Variants in RBFOX2 observed in about 807,000 individuals in gnomAD.
The protein encoded by RBFOX2 is RNA binding fox-1 homolog 2, also known as RNA binding protein fox-1 homolog 2.
RBFOX2 carries 10 observed loss-of-function variants against 49.1 expected under a neutral mutation model. The observed-to-expected ratio is 0.20, with a 90% CI of 0.13 to 0.35. The LOEUF is 0.35. RBFOX2 is among the 10% of genes least tolerant of loss of function. The pLI, the probability that RBFOX2 is intolerant of heterozygous loss-of-function variation, is 1.00. For synonymous variants in RBFOX2, 183 were observed against 187.4 expected (o/e 0.98, Z 0.19); for missense variants, 323 against 486.9 (o/e 0.66, Z 3.17).
At chr22:35,797,640 T>C (rs1378875586) in intron 2 of RBFOX2, among the ~76,000 whole-genome samples, 1 of 152,226 alleles carries the variant, frequency 6.6e-6, no homozygotes, top group Non-Finnish European at 1.5e-5. Flanking sequence ...GCTAAGGTGC[T>C]AGCAGTTTTA....
chr22:35,953,095 C>T (rs2055133267), intron 1 of RBFOX2, among the ~76,000 whole-genome samples: 1 of 151,306 alleles, frequency 6.6e-6, no homozygotes. Flanking sequence ...CCTGTAGTTC[C>T]AGCTGCTTGG....
chr22:36,007,116 T>C (rs1271946188), intron 1 of RBFOX2, among the ~76,000 whole-genome samples: 1 of 152,212 alleles, frequency 6.6e-6, no homozygotes, highest in African/African-American at 2.4e-5. Flanking sequence ...TGACCCTTTA[T>C]AATTGTATTG....
chr22:35,900,270 C>T (rs551070187), intron 1 of RBFOX2, among the ~76,000 whole-genome samples: 10 of 152,180 alleles, frequency 6.6e-5, no homozygotes, highest in African/African-American at 2.4e-4. Context: ...CCTGCCACCA[C>T]ACCCAGCTAT....
intron 1 of RBFOX2, 68 bp from the exon 3 acceptor site, chr22:35,810,072 A>G: frequency 6.8e-7 from 1 of 1,470,782 alleles, no homozygotes; most frequent in Non-Finnish European, 9.4e-7. Flanking sequence ...TTTTAAAGTG[A>G]GTATATGGAA....
intron 1 of RBFOX2, among the ~76,000 whole-genome samples, chr22:35,878,053 C>T (rs1464128176): frequency 6.6e-6 from 1 of 151,096 alleles, no homozygotes; most frequent in African/African-American, 2.4e-5. Flanking sequence ...CACACACACA[C>T]ACACACACAC....
intron 1 of RBFOX2, among the ~76,000 whole-genome samples, chr22:35,961,282 C>T (rs1343764799): frequency 6.6e-6 from 1 of 152,154 alleles, no homozygotes; most frequent in Non-Finnish European, 1.5e-5. Context: ...GATAAAGGCA[C>T]ACACAAATAC....
At chr22:35,776,072 A>G (rs1026698626) in intron 4 of RBFOX2, among the ~76,000 whole-genome samples, 1 of 152,154 alleles carries the variant, frequency 6.6e-6, no homozygotes, top group African/African-American at 2.4e-5. Flanking sequence ...TACACTTAAC[A>G]ACTAAAAATA....
intron 1 of RBFOX2, among the ~76,000 whole-genome samples, chr22:35,956,559 A>G (rs1464792743): frequency 1.3e-5 from 2 of 151,922 alleles, no homozygotes; most frequent in Non-Finnish European, 2.9e-5. Flanking sequence ...ACGGGGTTTC[A>G]CCATGTTGGC....
intron 1 of RBFOX2, among the ~76,000 whole-genome samples, chr22:36,004,793 T>C (rs2058559048): frequency 6.6e-6 from 1 of 151,340 alleles, no homozygotes; most frequent in Non-Finnish European, 1.5e-5. Flanking sequence ...TGAAACTCTG[T>C]CTCAAAAAAA....
intron 1 of RBFOX2, among the ~76,000 whole-genome samples, chr22:35,870,094 G>A (rs1460098411): frequency 2.0e-5 from 3 of 152,118 alleles, no homozygotes; most frequent in African/African-American, 7.2e-5. Context: ...CCTTTCAAAA[G>A]GTTCAAAATA....
intron 1 of RBFOX2, among the ~76,000 whole-genome samples, chr22:35,951,622 C>A (rs1011171617): frequency 3.3e-5 from 5 of 151,050 alleles, no homozygotes; most frequent in African/African-American, 4.9e-5. Flanking sequence ...TGGACTGATA[C>A]AAGTGAGCTG....
chr22:36,023,925 C>T (rs2059335298), intron 1 of RBFOX2, among the ~76,000 whole-genome samples: 1 of 152,188 alleles, frequency 6.6e-6, no homozygotes, highest in Non-Finnish European at 1.5e-5. Context: ...TCTGGCGTTT[C>T]CTAAACTCCA....
intron 1 of RBFOX2, among the ~76,000 whole-genome samples, chr22:35,834,374 A>G (rs1957292165): frequency 6.6e-6 from 1 of 152,210 alleles, no homozygotes; most frequent in African/African-American, 2.4e-5. Context: ...TATTTTTATT[A>G]TGACTATGTG....
intron 2 of RBFOX2, among the ~76,000 whole-genome samples, chr22:35,805,028 C>T (rs972238704): frequency 6.6e-6 from 1 of 152,032 alleles, no homozygotes; most frequent in African/African-American, 2.4e-5. Context: ...TGGCTCACGC[C>T]TGTAATCCCA....
chr22:35,826,409 T>G (rs181608465), intron 1 of RBFOX2, among the ~76,000 whole-genome samples: 7 of 135,736 alleles, frequency 5.2e-5, no homozygotes, highest in African/African-American at 1.9e-4. Context: ...TAAGAAAAAA[T>G]AGAAAGCATA....
chr22:36,006,528 GAT>G (rs2058625086), intron 1 of RBFOX2, among the ~76,000 whole-genome samples: 2 of 151,980 alleles, frequency 1.3e-5, no homozygotes, highest in African/African-American at 4.8e-5. Flanking sequence ...CCCTTATAAG[GAT>G]ATGTTTCTGA....
At chr22:35,971,543 C>A (rs1382905927) in intron 1 of RBFOX2, among the ~76,000 whole-genome samples, 1 of 152,046 alleles carries the variant, frequency 6.6e-6, no homozygotes, top group Non-Finnish European at 1.5e-5. Context: ...TCCCAACCCA[C>A]AAGAAACATA....
chr22:35,873,030 T>C (rs1030467305), intron 1 of RBFOX2, among the ~76,000 whole-genome samples: 3 of 152,242 alleles, frequency 2.0e-5, no homozygotes, highest in Non-Finnish European at 4.4e-5. Flanking sequence ...AGCAACTTTA[T>C]AATTATCACC....
At chr22:35,896,265 T>C (rs1309919544) in intron 1 of RBFOX2, among the ~76,000 whole-genome samples, 1 of 152,202 alleles carries the variant, frequency 6.6e-6, no homozygotes, top group African/African-American at 2.4e-5. Context: ...GCTCATCCAT[T>C]TTTGGCCATG....
Sources: allele counts gnomAD v4.1 joint callset (sites outside exome capture counted in the v4.1 genomes callset), GRCh38; gene constraint gnomAD v4.1.1; transcripts MANE v1.5; gene names NCBI Gene and HGNC (gene_info 2026-07-23, HGNC 2026-07-21).